The following RBFOX3 variants were observed in gnomAD, a reference collection of about 807,000 sequenced individuals.
RBFOX3 encodes RNA binding fox-1 homolog 3.
RBFOX3 carries 17 observed loss-of-function variants against 48.7 expected under a neutral mutation model. The observed-to-expected ratio is 0.35, with a 90% CI of 0.24 to 0.52. The LOEUF (loss-of-function observed/expected upper bound fraction) is 0.52. RBFOX3 is among the 20% of genes least tolerant of loss of function. The pLI is 0.94. For synonymous variants in RBFOX3, 212 were observed against 209.5 expected (o/e 1.01, Z -0.10); for missense variants, 382 against 497.5 (o/e 0.77, Z 2.21).
intron 1 of RBFOX3, among the ~76,000 whole-genome samples, chr17:79,489,919 T>TAAAAATCAGAGTTA (rs1448943235): frequency 6.6e-6 from 1 of 152,202 alleles, no homozygotes; most frequent in Non-Finnish European, 1.5e-5. Flanking sequence ...AATCAGAGTT[T>TAAAAATCAGAGTTA]AAAATAGGAC....
At chr17:79,380,374 A>G (rs980167167) in intron 2 of RBFOX3, among the ~76,000 whole-genome samples, 1 of 152,236 alleles carries the variant, frequency 6.6e-6, no homozygotes, top group Admixed American at 6.5e-5. Context: ...TCACAGGAAC[A>G]CTTTATCCAA....
At chr17:79,515,040 G>A (rs1156351726) in intron 1 of RBFOX3, among the ~76,000 whole-genome samples, 3 of 152,172 alleles carry the variant, frequency 2.0e-5, no homozygotes, top group Admixed American at 6.5e-5. Context: ...ACACACCTTC[G>A]GGTGTCCTGA....
At position 79,474,108 on chromosome 17, in the gene RBFOX3, C is replaced by G. The variant is rs557966908; in HGVS notation, c.-175+8346G>C. Among the ~76,000 whole-genome samples the G allele has an allele frequency of 2.0e-5, 3 of 150,508 alleles. No individual in the cohort carries two copies. In the East Asian group the frequency reaches 5.9e-4, roughly 29 times the overall value. On this transcript the variant is annotated intron_variant, in intron 2 of 14. Coordinates refer to ENST00000693108, the MANE Select transcript of RBFOX3 (RefSeq NM_001350451.2). The stretch of plus-strand genomic sequence containing the variant: ...CCGGCAACCCCCTCTGAGGAATGCA[C>G]GTGTCAATGCAGAAAAAAAAAAAAA...
the RBFOX3 span, among the ~76,000 whole-genome samples, chr17:79,656,480 G>T: frequency 2.6e-5 from 4 of 152,040 alleles, no homozygotes; most frequent in African/African-American, 9.7e-5. Context: ...CGGACATGGT[G>T]GCGTGTGCCT....
At position 79,091,935 on chromosome 17, in the gene RBFOX3, G is replaced by A. The variant is rs76549917; in HGVS notation, c.1078-1050C>T. 949 of 983,714 alleles carry A rather than the reference G, an allele frequency of 9.6e-4. 7 individuals carry two copies. In the African/African-American group the frequency reaches 0.016, roughly 16 times the overall value. 60.9% of individuals were successfully genotyped at this position (983,714 alleles called of 1,614,324 possible). The stretch of plus-strand genomic sequence containing the variant: ...CACCACGCGACACGCTTGTGACTAC[G>A]TCGGCAAGAAATATCGTCAATAAAA... On this transcript the variant is annotated intron_variant, in intron 14 of 14. Transcript: ENST00000693108.
At chr17:79,317,913 T>C (rs1369668660) in intron 2 of RBFOX3, among the ~76,000 whole-genome samples, 1 of 152,224 alleles carries the variant, frequency 6.6e-6, no homozygotes, top group Non-Finnish European at 1.5e-5. Flanking sequence ...ACATGCTAAC[T>C]TCCCTATCTT....
chr17:79,630,542 G>A, the RBFOX3 span, among the ~76,000 whole-genome samples: 1 of 152,178 alleles, frequency 6.6e-6, no homozygotes, highest in African/African-American at 2.4e-5. Context: ...GTATCAGGAT[G>A]TTAGGGGCTC....
intron 4 of RBFOX3, among the ~76,000 whole-genome samples, chr17:79,129,720 A>G (rs2038313914): frequency 6.6e-6 from 1 of 152,236 alleles, no homozygotes; most frequent in Non-Finnish European, 1.5e-5. Context: ...TGGGGAAAAG[A>G]CTGCTTGTGG....
the RBFOX3 span, among the ~76,000 whole-genome samples, chr17:79,632,837 G>A: frequency 6.6e-6 from 1 of 152,168 alleles, no homozygotes; most frequent in Admixed American, 6.5e-5. Flanking sequence ...GATGGCTTGG[G>A]CCTGGAGGTC....
intron 1 of RBFOX3, among the ~76,000 whole-genome samples, chr17:79,532,163 C>T (rs1014515573): frequency 9.3e-5 from 14 of 150,232 alleles, no homozygotes; most frequent in Non-Finnish European, 1.0e-4. Context: ...AAGTTGTCCT[C>T]GGGGCAAATG....
At chr17:79,346,723 AG>A (rs1221973801) in intron 2 of RBFOX3, among the ~76,000 whole-genome samples, 1 of 152,256 alleles carries the variant, frequency 6.6e-6, no homozygotes, top group African/African-American at 2.4e-5. Context: ...TTCATTTATT[AG>A]AACTCCTCTA....
the RBFOX3 span, among the ~76,000 whole-genome samples, chr17:79,661,213 A>G: frequency 1.4e-3 from 212 of 152,270 alleles, no homozygotes; most frequent in Non-Finnish European, 2.4e-3. Flanking sequence ...GCAGCAAACT[A>G]CCACAGCACA....
At chr17:79,182,541 G>A (rs1400628644) in intron 4 of RBFOX3, among the ~76,000 whole-genome samples, 1 of 148,672 alleles carries the variant, frequency 6.7e-6, no homozygotes, top group Non-Finnish European at 1.5e-5. Flanking sequence ...CTCCCCCAAC[G>A]CCCCGGCCGG....
At position 79,196,715 on chromosome 17, in the gene RBFOX3, T is replaced by G. The variant is rs539330026; in HGVS notation, c.-34+39051A>C. ...TACAGAAAGTACAGTTAACTCTCAA[T>G]TATCTATGCCAATGGAGTGGAACGT... On this transcript the variant is annotated intron_variant, in intron 4 of 14. Coordinates refer to ENST00000693108, the MANE Select transcript of RBFOX3 (RefSeq NM_001350451.2). 4.6e-5 allele frequency among the ~76,000 whole-genome samples: 7 copies of G among 152,298 alleles called. No homozygotes were observed. In the East Asian group the frequency reaches 1.2e-3, roughly 25 times the overall value.
chr17:79,635,059 C>CAAAAAAAAAAAAA, the RBFOX3 span, among the ~76,000 whole-genome samples: 1 of 53,494 alleles, frequency 1.9e-5, no homozygotes, highest in African/African-American at 5.4e-5. Flanking sequence ...GACTCCATCT[C>CAAAAAAAAAAAAA]AAAAAAAAAA....
chr17:79,230,661 C>T (rs986541934), intron 4 of RBFOX3, among the ~76,000 whole-genome samples: 5 of 152,158 alleles, frequency 3.3e-5, no homozygotes, highest in African/African-American at 1.2e-4. Context: ...GAGCCCTCAT[C>T]ATTGAGGAGA....
chr17:79,333,836 C>A (rs550998238), intron 2 of RBFOX3, among the ~76,000 whole-genome samples: 14 of 152,248 alleles, frequency 9.2e-5, no homozygotes, highest in African/African-American at 3.4e-4. Context: ...ACCCCACGAG[C>A]ACACACAGCT....
chr17:79,620,446 C>T, the RBFOX3 span, among the ~76,000 whole-genome samples: 1 of 147,882 alleles, frequency 6.8e-6, no homozygotes, highest in African/African-American at 2.5e-5. Flanking sequence ...CATGCACATG[C>T]ACACATGCGC....
chr17:79,319,320 G>A (rs1052970934), intron 2 of RBFOX3, among the ~76,000 whole-genome samples: 12 of 152,336 alleles, frequency 7.9e-5, no homozygotes, highest in Admixed American at 5.9e-4. Flanking sequence ...AGGAAGAGGC[G>A]AGGAAGGTAG....
Sources: allele counts gnomAD v4.1 joint callset (sites outside exome capture counted in the v4.1 genomes callset), GRCh38; gene constraint gnomAD v4.1.1; transcripts MANE v1.5; gene names NCBI Gene and HGNC (gene_info 2026-07-23, HGNC 2026-07-21).